Variants in SPAG16 observed in about 807,000 individuals in gnomAD.
The protein encoded by SPAG16 is sperm associated antigen 16.
In SPAG16, 86 loss-of-function variants were observed where a neutral mutation model predicts 80.4. The ratio of observed to expected loss-of-function variants is 1.07; its 90% CI spans 0.90 to 1.28. SPAG16 has a LOEUF of 1.28. Ranked by LOEUF, SPAG16 falls within the 50% of genes most tolerant of loss-of-function variation. The pLI is 0.00. For synonymous variants in SPAG16, 294 were observed against 265.9 expected (o/e 1.11, Z -1.03); for missense variants, 870 against 765.3 (o/e 1.14, Z -1.61).
chr2:213,907,552 A>T (rs545087428), intron 11 of SPAG16, among the ~76,000 whole-genome samples: 1 of 152,296 alleles, frequency 6.6e-6, no homozygotes, highest in African/African-American at 2.4e-5. Context: ...CAAAGGAAGT[A>T]AAAGCAGTAT....
intron 9 of SPAG16, among the ~76,000 whole-genome samples, chr2:213,437,542 C>T (rs927592655): frequency 2.0e-5 from 3 of 152,096 alleles, no homozygotes. Flanking sequence ...TCACTTATTT[C>T]AACACAAATT....
At chr2:213,640,641 A>G (rs922420859) in intron 10 of SPAG16, among the ~76,000 whole-genome samples, 1 of 152,152 alleles carries the variant, frequency 6.6e-6, no homozygotes, top group Non-Finnish European at 1.5e-5. Flanking sequence ...ACCTGCTCTC[A>G]TGGAGGTAGC....
At chr2:213,939,896 A>G (rs967053217) in intron 12 of SPAG16, among the ~76,000 whole-genome samples, 2 of 152,174 alleles carry the variant, frequency 1.3e-5, no homozygotes. Context: ...AGTAAAAATT[A>G]TGTCTTATAT....
chr2:213,415,891 T>A (rs2069225938), intron 9 of SPAG16, among the ~76,000 whole-genome samples: 1 of 152,182 alleles, frequency 6.6e-6, no homozygotes, highest in Admixed American at 6.5e-5. Context: ...TTGGTTGCAA[T>A]TAAGGCAGGA....
chr2:213,998,199 T>C (rs2046618757), intron 12 of SPAG16, among the ~76,000 whole-genome samples: 1 of 152,158 alleles, frequency 6.6e-6, no homozygotes, highest in Admixed American at 6.5e-5. Flanking sequence ...GGATACTGCA[T>C]TGAGGGTTAA....
At chr2:214,395,881 A>G (rs1574501999) in intron 15 of SPAG16, among the ~76,000 whole-genome samples, 1 of 152,174 alleles carries the variant, frequency 6.6e-6, no homozygotes, top group Admixed American at 6.6e-5. Context: ...TTATGGCTGC[A>G]TAGTATTCCA....
intron 15 of SPAG16, among the ~76,000 whole-genome samples, chr2:214,297,189 C>A (rs1198449587): frequency 2.0e-5 from 3 of 151,914 alleles, no homozygotes; most frequent in Non-Finnish European, 4.4e-5. Context: ...TTTTTTGAGT[C>A]CTTTGTAGAT....
chr2:213,534,559 A>C (rs1193740701), intron 10 of SPAG16, among the ~76,000 whole-genome samples: 1 of 152,140 alleles, frequency 6.6e-6, no homozygotes, highest in Non-Finnish European at 1.5e-5. Context: ...GATTAAAAGG[A>C]ATAAACTATG....
rs1005528418 is a variant in SPAG16 at position 213,756,971 on chromosome 2, T to C, written c.1071-105514T>C. On this transcript the variant is annotated intron_variant, in intron 10 of 15. Transcript: ENST00000331683. ...GCAAAGAGGGAATAAAGAAATGGAA[T>C]GTAAAAAATCCTAAATATTCCACAT... 1.8e-4 allele frequency among the ~76,000 whole-genome samples: 27 copies of C among 152,286 alleles called. 1 individual carries two copies. The highest frequency in any genetic ancestry group is 1.7e-3 in the Admixed American group (26 of 15,290).
intron 10 of SPAG16, among the ~76,000 whole-genome samples, chr2:213,644,066 A>G (rs1411355961): frequency 6.6e-6 from 1 of 150,928 alleles, no homozygotes; most frequent in Non-Finnish European, 1.5e-5. Flanking sequence ...CAGGCATGAG[A>G]CACCACGCCC....
At chr2:213,312,541 C>T (rs2063237794) in intron 4 of SPAG16, among the ~76,000 whole-genome samples, 1 of 151,570 alleles carries the variant, frequency 6.6e-6, no homozygotes, top group South Asian at 2.1e-4. Context: ...CCATTTTTCC[C>T]TTTCCAGCCA....
At chr2:213,732,727 G>C (rs1574973222) in intron 10 of SPAG16, among the ~76,000 whole-genome samples, 1 of 152,088 alleles carries the variant, frequency 6.6e-6, no homozygotes, top group African/African-American at 2.4e-5. Flanking sequence ...TTTTCCATTT[G>C]CTTGTGTTAT....
intron 15 of SPAG16, among the ~76,000 whole-genome samples, chr2:214,156,578 G>C (rs1024032873): frequency 6.6e-6 from 1 of 152,168 alleles, no homozygotes; most frequent in Non-Finnish European, 1.5e-5. Flanking sequence ...AGGAGTTTAA[G>C]ACTAGCCTGG....
At chr2:213,416,057 C>T (rs934321342) in intron 9 of SPAG16, among the ~76,000 whole-genome samples, 1 of 152,210 alleles carries the variant, frequency 6.6e-6, no homozygotes. Context: ...CCAGAAGGGA[C>T]ACACATTGTG....
chr2:214,236,166 T>C (rs956718925), intron 15 of SPAG16, among the ~76,000 whole-genome samples: 2 of 152,220 alleles, frequency 1.3e-5, no homozygotes, highest in African/African-American at 4.8e-5. Context: ...CTAACTCAGA[T>C]CAATTAGTAC....
Position 214,351,907 on chromosome 2 carries a change from C to A in SPAG16, c.1721-58233C>A, listed in dbSNP as rs148671703. Among the ~76,000 whole-genome samples, 36 of 152,154 alleles carry A rather than the reference C, an allele frequency of 2.4e-4. No individual in the cohort carries two copies. The Middle Eastern group carries it at 0.014, about 58-fold the overall frequency. On this transcript the variant is annotated intron_variant, in intron 15 of 15. Coordinates refer to ENST00000331683, the MANE Select transcript of SPAG16 (RefSeq NM_024532.5). ...CTGTTTGGTCTGCTATAACAAAATA[C>A]CATACACTGTGTAGCTTATAAACAA...
At chr2:213,384,122 A>T (rs1249119873) in intron 9 of SPAG16, among the ~76,000 whole-genome samples, 2 of 152,208 alleles carry the variant, frequency 1.3e-5, no homozygotes, top group African/African-American at 4.8e-5. Context: ...AAACTAGACT[A>T]GGGAATTATA....
At chr2:213,822,392 T>C (rs949704512) in intron 10 of SPAG16, among the ~76,000 whole-genome samples, 1 of 152,202 alleles carries the variant, frequency 6.6e-6, no homozygotes, top group Admixed American at 6.5e-5. Context: ...AGATTTTTCC[T>C]ATAGAGTTGT....
At chr2:213,821,942 A>G (rs118008181) in intron 10 of SPAG16, among the ~76,000 whole-genome samples, 7 of 152,224 alleles carry the variant, frequency 4.6e-5, no homozygotes, top group East Asian at 3.9e-4. Flanking sequence ...ATCTTTATCT[A>G]TTGGTCTATT....
Sources: gnomAD v4.1 joint callset for allele counts (sites outside exome capture counted in the v4.1 genomes callset) on GRCh38, gnomAD v4.1.1 for gene constraint, MANE v1.5 for transcripts, NCBI Gene and HGNC (gene_info 2026-07-23, HGNC 2026-07-21) for gene names.